The following FGF13 variants were observed in gnomAD, a reference collection of about 807,000 sequenced individuals.
The protein encoded by FGF13 is fibroblast growth factor homologous factor 2.
Under a neutral mutation model 19.5 loss-of-function variants are expected in FGF13, and 2 were observed. The ratio of observed to expected loss-of-function variants is 0.10; its 90% CI spans 0.04 to 0.32. The LOEUF (loss-of-function observed/expected upper bound fraction) is 0.32. Ranked by LOEUF, FGF13 falls within the 10% of genes least tolerant of loss-of-function variation. FGF13 has a pLI of 1.00. For missense variants in FGF13, 113 were observed against 192.7 expected, an observed-to-expected ratio of 0.59 and a Z score of 2.45; for synonymous variants, 72 against 76.9, an observed-to-expected ratio of 0.94 and a Z score of 0.33.
chrX:138,945,881 T>C (rs1258036032), intron 1 of FGF13, among the ~76,000 whole-genome samples: 1 of 112,009 alleles, frequency 8.9e-6, no homozygotes, highest in African/African-American at 3.2e-5. Context: ...TTAGTTTTTT[T>C]AGTTTTTTGC....
At chrX:138,841,810 CA>C (rs2091151612) in intron 3 of FGF13, among the ~76,000 whole-genome samples, 1 of 111,234 alleles carries the variant, frequency 9.0e-6, no homozygotes, top group South Asian at 3.7e-4. Context: ...GTGAAAATTC[CA>C]AAATTCCTTC....
At chrX:139,055,420 A>T (rs1223524277) in intron 1 of FGF13, among the ~76,000 whole-genome samples, 1 of 112,394 alleles carries the variant, frequency 8.9e-6, no homozygotes, top group Non-Finnish European at 1.9e-5. Flanking sequence ...TACTTGTTTA[A>T]AATTTCCATT....
chrX:139,075,991 C>T, intron 1 of FGF13, among the ~76,000 whole-genome samples: 1 of 13,560 alleles, frequency 7.4e-5, no homozygotes, highest in Admixed American at 5.5e-4. Flanking sequence ...TACAGGCGCC[C>T]GCCACCGCGC....
At chrX:138,876,407 C>T (rs1026503390) in intron 1 of FGF13, among the ~76,000 whole-genome samples, 1 of 112,376 alleles carries the variant, frequency 8.9e-6, no homozygotes, top group African/African-American at 3.2e-5. Flanking sequence ...GCACACTAAT[C>T]TGGGTGGGTC....
intron 1 of FGF13, among the ~76,000 whole-genome samples, chrX:139,011,541 A>G (rs1359976381): frequency 1.8e-5 from 2 of 111,662 alleles, no homozygotes; most frequent in Non-Finnish European, 3.8e-5. Flanking sequence ...AACATACGTA[A>G]GTCAACAGAT....
chrX:138,994,273 G>T (rs936074030), intron 1 of FGF13, among the ~76,000 whole-genome samples: 5 of 111,028 alleles, frequency 4.5e-5, no homozygotes, highest in South Asian at 3.9e-4. Flanking sequence ...GAGAGAGGAA[G>T]CTCTGGTCTC....
chrX:139,200,159 A>G (rs569978267), intron 1 of FGF13, among the ~76,000 whole-genome samples: 2 of 112,285 alleles, frequency 1.8e-5, no homozygotes, highest in East Asian at 5.6e-4. Context: ...TCCCTACATG[A>G]GTAATAGACA....
At chrX:139,093,265 C>T (rs192080507) in intron 1 of FGF13, among the ~76,000 whole-genome samples, 2 of 112,177 alleles carry the variant, frequency 1.8e-5, no homozygotes, top group Non-Finnish European at 3.8e-5. Context: ...GTCACAATCA[C>T]ACCTCAGCTT....
At chrX:139,156,803 T>C (rs1344397057) in intron 1 of FGF13, among the ~76,000 whole-genome samples, 2 of 112,421 alleles carry the variant, frequency 1.8e-5, no homozygotes, top group Non-Finnish European at 3.8e-5. Flanking sequence ...CAAGCCAACA[T>C]GTTTAAGCTT....
At chrX:138,881,738 G>T (rs1233428854) in intron 1 of FGF13, among the ~76,000 whole-genome samples, 1 of 111,414 alleles carries the variant, frequency 9.0e-6, no homozygotes, top group Non-Finnish European at 1.9e-5. Context: ...TTTCTGTAAG[G>T]TTGGTAGTAA....
chrX:138,674,266 T>A (rs958293723), intron 3 of FGF13, among the ~76,000 whole-genome samples: 4 of 111,506 alleles, frequency 3.6e-5, no homozygotes, highest in African/African-American at 1.3e-4. Context: ...ATCCCCATAT[T>A]ATAGATGAGA....
intron 3 of FGF13, among the ~76,000 whole-genome samples, chrX:138,818,685 G>A (rs761452366): frequency 2.7e-5 from 3 of 110,802 alleles, no homozygotes; most frequent in African/African-American, 9.8e-5. Flanking sequence ...CAAGCAATTC[G>A]GTATGTGCTG....
intron 3 of FGF13, among the ~76,000 whole-genome samples, chrX:138,772,531 G>A (rs2090555220): frequency 9.0e-6 from 1 of 111,413 alleles, no homozygotes; most frequent in African/African-American, 3.3e-5. Flanking sequence ...TATTTTGTAT[G>A]TGAGTTCTTC....
At chrX:138,816,242 T>C (rs957623065) in intron 3 of FGF13, among the ~76,000 whole-genome samples, 3 of 111,394 alleles carry the variant, frequency 2.7e-5, no homozygotes, top group Non-Finnish European at 5.7e-5. Flanking sequence ...TGAAAAAATA[T>C]TCACCCTTAC....
intron 3 of FGF13, among the ~76,000 whole-genome samples, chrX:138,808,957 C>A (rs1198846277): frequency 2.7e-5 from 3 of 111,554 alleles, no homozygotes; most frequent in African/African-American, 9.8e-5. Flanking sequence ...TAATTAATAG[C>A]CTACCAAACA....
chrX:138,677,624 A>G (rs1429530599), intron 3 of FGF13, among the ~76,000 whole-genome samples: 33 of 111,395 alleles, frequency 3.0e-4, no homozygotes, highest in Non-Finnish European at 5.7e-4. Flanking sequence ...CAAAACCACA[A>G]TGAGATACCA....
At chrX:138,708,342 A>T (rs780382112) in intron 2 of FGF13, among the ~76,000 whole-genome samples, 2 of 111,939 alleles carry the variant, frequency 1.8e-5, no homozygotes, top group African/African-American at 6.5e-5. Flanking sequence ...GAGGTATCTC[A>T]ATGTTAAAAT....
intron 1 of FGF13, among the ~76,000 whole-genome samples, chrX:138,911,713 T>G (rs1438111788): frequency 8.9e-6 from 1 of 112,081 alleles, no homozygotes; most frequent in Non-Finnish European, 1.9e-5. Flanking sequence ...GCTCTGAATC[T>G]CCATGGCAAA....
chrX:138,900,553 G>A (rs2091526976), intron 1 of FGF13, among the ~76,000 whole-genome samples: 1 of 111,092 alleles, frequency 9.0e-6, no homozygotes, highest in African/African-American at 3.3e-5. Flanking sequence ...AGTCCAAGAT[G>A]CCACTACTCC....
Sources: allele counts gnomAD v4.1 joint callset (sites outside exome capture counted in the v4.1 genomes callset), GRCh38; gene constraint gnomAD v4.1.1; transcripts MANE v1.5; gene names NCBI Gene and HGNC (gene_info 2026-07-23, HGNC 2026-07-21).